The following CFAP44 variants were observed in gnomAD, a reference collection of about 807,000 sequenced individuals.
CFAP44 encodes cilia- and flagella-associated protein 44.
A neutral mutation model predicts 216.2 loss-of-function variants in CFAP44; 134 were observed. That is an observed-to-expected ratio of 0.62 (90% CI 0.54 to 0.72). The LOEUF (loss-of-function observed/expected upper bound fraction) is 0.72, where lower values mean the gene tolerates loss of function less well. Among genes scored for constraint, CFAP44 ranks in the 30% least tolerant of loss-of-function variants. The pLI is 0.00. For missense variants in CFAP44, 2,035 were observed against 2,182.1 expected, an observed-to-expected ratio of 0.93 and a Z score of 1.34; for synonymous variants, 700 against 727.6, an observed-to-expected ratio of 0.96 and a Z score of 0.61.
At chr3:113,315,065 C>T (rs539492389) in intron 28 of CFAP44, among the ~76,000 whole-genome samples, 1 of 152,004 alleles carries the variant, frequency 6.6e-6, no homozygotes, top group East Asian at 1.9e-4. Flanking sequence ...AATTAAATAA[C>T]AGACAAGCTC....
At chr3:113,354,278 A>T (rs1170133732) in intron 22 of CFAP44, among the ~76,000 whole-genome samples, 1 of 152,188 alleles carries the variant, frequency 6.6e-6, no homozygotes, top group Non-Finnish European at 1.5e-5. Context: ...CATACCCAGG[A>T]AAGCTGAGAG....
chr3:113,296,524 C>G (rs1222427442), intron 33 of CFAP44, among the ~76,000 whole-genome samples: 1 of 152,158 alleles, frequency 6.6e-6, no homozygotes, highest in African/African-American at 2.4e-5. Context: ...TGCTGGTGCT[C>G]TCACTCCAAG....
At chr3:113,437,988 A>G (rs1044877656) in intron 1 of CFAP44, among the ~76,000 whole-genome samples, 4 of 152,214 alleles carry the variant, frequency 2.6e-5, no homozygotes, top group African/African-American at 7.2e-5. Flanking sequence ...TAAATATTAA[A>G]TGAGATCTTT....
intron 19 of CFAP44, among the ~76,000 whole-genome samples, chr3:113,364,199 T>C (rs764222043): frequency 2.0e-5 from 3 of 152,134 alleles, no homozygotes; most frequent in Non-Finnish European, 4.4e-5. Context: ...GTCTGTGATA[T>C]TAAGGAAGGA....
intron 4 of CFAP44, among the ~76,000 whole-genome samples, chr3:113,424,387 G>A (rs1396168413): frequency 1.3e-5 from 2 of 152,166 alleles, no homozygotes; most frequent in Non-Finnish European, 2.9e-5. Flanking sequence ...AGTAAGCAGA[G>A]ATCGTGCCAT....
At chr3:113,391,852 T>A (rs549998403) in intron 15 of CFAP44, among the ~76,000 whole-genome samples, 1 of 152,150 alleles carries the variant, frequency 6.6e-6, no homozygotes, top group South Asian at 2.1e-4. Context: ...AACTATGATA[T>A]ATCATCTCAT....
At chr3:113,398,805 T>A (rs115548548) in intron 13 of CFAP44, among the ~76,000 whole-genome samples, 4,363 of 152,314 alleles carry the variant, frequency 0.029, 111 homozygotes, top group East Asian at 0.1. Context: ...TTTCCCCAAA[T>A]ACTTCCATGG....
intron 1 of CFAP44, 39 bp from the exon 2 acceptor site, chr3:113,433,708 G>A (rs1248852699): frequency 1.4e-6 from 2 of 1,469,102 alleles, no homozygotes; most frequent in East Asian, 2.3e-5. Context: ...GGATAAAGCT[G>A]TAAAATTGAA....
intron 22 of CFAP44, among the ~76,000 whole-genome samples, chr3:113,350,449 GAGAA>G (rs916430490): frequency 1.3e-5 from 2 of 152,152 alleles, no homozygotes; most frequent in East Asian, 1.9e-4. Flanking sequence ...AGAAGCCGAA[GAGAA>G]AGAAAGAGAG....
chr3:113,386,217 T>C (rs1933646216), intron 15 of CFAP44, among the ~76,000 whole-genome samples: 2 of 152,218 alleles, frequency 1.3e-5, no homozygotes, highest in African/African-American at 4.8e-5. Context: ...AATAGAGCAA[T>C]CCCTGCTCAT....
At chr3:113,359,878 C>T (rs1314985706) in intron 21 of CFAP44, among the ~76,000 whole-genome samples, 1 of 151,886 alleles carries the variant, frequency 6.6e-6, no homozygotes, top group Non-Finnish European at 1.5e-5. Context: ...TTGTGATTGC[C>T]CCCATAGCTA....
rs771026720 is a variant in CFAP44, at chr3:113,396,733, AG to A, written c.1570-7del. The A allele has an allele frequency of 9.3e-6, 15 of 1,612,548 alleles. No homozygotes were observed. The Admixed American group carries it at 1.5e-4, about 16-fold the overall frequency. The stretch of plus-strand genomic sequence containing the variant: ...TGTGCTCCAGTGAAGTTTACCTTGG[AG>A]AAAATTAAAGATAAGGGACCTGAAA... On this transcript the variant is annotated splice_polypyrimidine_tract_variant and splice_region_variant and intron_variant, in intron 13 of 34. Coordinates refer to ENST00000393845, the MANE Select transcript of CFAP44 (RefSeq NM_001164496.2).
chr3:113,394,298 T>C (rs1933928962), intron 15 of CFAP44, among the ~76,000 whole-genome samples: 1 of 152,192 alleles, frequency 6.6e-6, no homozygotes, highest in South Asian at 2.1e-4. Context: ...ACTTCTTTAA[T>C]GTCACACCTA....
chr3:113,310,432 A>G (rs988688457), intron 28 of CFAP44, among the ~76,000 whole-genome samples: 9 of 152,342 alleles, frequency 5.9e-5, no homozygotes, highest in African/African-American at 2.2e-4. Context: ...TGAAGTCTGA[A>G]TGGGGAATAT....
rs183660420 is a variant in CFAP44 at position 113,308,802 on chromosome 3, C to T, written c.4517-534G>A. Among the ~76,000 whole-genome samples, 518 of 152,040 alleles carry T rather than the reference C, an allele frequency of 3.4e-3. 8 individuals carry two copies. Among genetic ancestry groups the T allele is most frequent in the Admixed American group, 0.026 (403 of 15,278 alleles). On this transcript the variant is annotated intron_variant, in intron 28 of 34. Transcript: ENST00000393845. The stretch of plus-strand genomic sequence containing the variant: ...TGTTTGTTTTGTAGAGACAGGGTTT[C>T]GCCATGTTGCCCAGGCCGATCTTGA...
At chr3:113,324,042 C>CAAAAAAAAA (rs200919084) in intron 28 of CFAP44, among the ~76,000 whole-genome samples, 1 of 71,860 alleles carries the variant, frequency 1.4e-5, no homozygotes, top group Admixed American at 1.6e-4. Flanking sequence ...GACTCCGTCT[C>CAAAAAAAAA]AAAAAAAAAA....
At chr3:113,324,844 T>TA (rs991287153) in intron 28 of CFAP44, among the ~76,000 whole-genome samples, 13 of 152,178 alleles carry the variant, frequency 8.5e-5, no homozygotes, top group South Asian at 2.1e-4. Flanking sequence ...AACCCACAAT[T>TA]ACTTTTGCAC....
chr3:113,320,502 A>C (rs1457706095), intron 28 of CFAP44, among the ~76,000 whole-genome samples: 1 of 119,424 alleles, frequency 8.4e-6, no homozygotes, highest in East Asian at 2.3e-4. Flanking sequence ...TGTAATATAT[A>C]TCTAGATATA....
chr3:113,413,718 T>C (rs371545575), intron 6 of CFAP44, among the ~76,000 whole-genome samples: 3 of 152,172 alleles, frequency 2.0e-5, no homozygotes, highest in Non-Finnish European at 1.5e-5. Context: ...CATTGGTCTA[T>C]ATGTCTGTTT....
Sources: gnomAD v4.1 joint callset for allele counts (sites outside exome capture counted in the v4.1 genomes callset) on GRCh38, gnomAD v4.1.1 for gene constraint, MANE v1.5 for transcripts, NCBI Gene and HGNC (gene_info 2026-07-23, HGNC 2026-07-21) for gene names.